Variants in SORCS2 observed in about 807,000 individuals in gnomAD.
The protein encoded by SORCS2 is sortilin related VPS10 domain containing receptor 2.
Under a neutral mutation model 141.6 loss-of-function variants are expected in SORCS2, and 100 were observed. That is an observed-to-expected ratio of 0.71 (90% CI 0.60 to 0.83). The LOEUF is 0.83. Among genes scored for constraint, SORCS2 ranks in the 40% least tolerant of loss-of-function variants. SORCS2 has a pLI of 0.00. For synonymous variants in SORCS2, 789 were observed against 676.9 expected (o/e 1.17, Z -2.57); for missense variants, 1,646 against 1,560.2 (o/e 1.05, Z -0.93).
chr4:7,298,038 T>C (rs941097313), intron 1 of SORCS2, among the ~76,000 whole-genome samples: 2 of 152,238 alleles, frequency 1.3e-5, no homozygotes, highest in Non-Finnish European at 2.9e-5. Context: ...CTGAGCCACC[T>C]CTTCCCCAGG....
intron 2 of SORCS2, among the ~76,000 whole-genome samples, chr4:7,417,947 A>G (rs1389488952): frequency 1.3e-5 from 2 of 152,214 alleles, no homozygotes; most frequent in Admixed American, 1.3e-4. Flanking sequence ...GTGAGCCAGC[A>G]GAAGGCTAGA....
intron 3 of SORCS2, among the ~76,000 whole-genome samples, chr4:7,565,592 G>A (rs1714914389): frequency 1.3e-5 from 2 of 151,922 alleles, no homozygotes; most frequent in Admixed American, 1.3e-4. Flanking sequence ...AAGTGATGAT[G>A]GTGATGGTAA....
rs371761912 is a variant in SORCS2 at position 7,496,163 on chromosome 4, G to C, written c.549-35367G>C. ...TCTCATGCCTTGTGAAGTGTGTCTT[G>C]GGAAGGGAGGGAGGAGACCAAAGCA... is the stretch of plus-strand genomic sequence containing the variant. On this transcript the variant is annotated intron_variant, in intron 2 of 26. Coordinates refer to ENST00000507866, the MANE Select transcript of SORCS2 (RefSeq NM_020777.3). Among the ~76,000 whole-genome samples the C allele has an allele frequency of 2.0e-5, 3 of 152,244 alleles. No individual in the cohort carries two copies. In the East Asian group the frequency reaches 5.8e-4, roughly 29 times the overall value.
intron 2 of SORCS2, among the ~76,000 whole-genome samples, chr4:7,491,321 C>T (rs971299208): frequency 6.6e-6 from 1 of 152,214 alleles, no homozygotes; most frequent in Non-Finnish European, 1.5e-5. Context: ...CTGGGTGGCC[C>T]TGAGGCTGCA....
At chr4:7,381,791 G>T in intron 1 of SORCS2, 2 of 416,290 alleles carry the variant, frequency 4.8e-6, no homozygotes, top group Non-Finnish European at 6.5e-6. Flanking sequence ...ACCCTGGACT[G>T]CAGCCATGTG....
At chr4:7,571,664 G>A (rs1715403194) in intron 3 of SORCS2, among the ~76,000 whole-genome samples, 1 of 152,086 alleles carries the variant, frequency 6.6e-6, no homozygotes, top group East Asian at 1.9e-4. Flanking sequence ...CTGGGGCCGA[G>A]AGGGAGGGAG....
intron 25 of SORCS2, among the ~76,000 whole-genome samples, chr4:7,736,308 C>T (rs1038280377): frequency 6.6e-6 from 1 of 152,246 alleles, no homozygotes; most frequent in Non-Finnish European, 1.5e-5. Context: ...AGTGTTGCAG[C>T]TTATAGGTGA....
At chr4:7,450,936 G>A (rs563010390) in intron 2 of SORCS2, among the ~76,000 whole-genome samples, 1 of 151,970 alleles carries the variant, frequency 6.6e-6, no homozygotes. Flanking sequence ...GAGGGAATGA[G>A]TGAGTAAATG....
chr4:7,207,406 C>A (rs896380823), intron 1 of SORCS2, among the ~76,000 whole-genome samples: 2 of 152,228 alleles, frequency 1.3e-5, no homozygotes. Flanking sequence ...TCACCCAGCG[C>A]CTGGCCAGGG....
chr4:7,217,918 T>C (rs1311723304), intron 1 of SORCS2, among the ~76,000 whole-genome samples: 2 of 152,206 alleles, frequency 1.3e-5, no homozygotes, highest in Non-Finnish European at 1.5e-5. Context: ...AGGGGACAGC[T>C]GTGCTGGCCG....
intron 2 of SORCS2, among the ~76,000 whole-genome samples, chr4:7,489,163 G>A (rs1731167654): frequency 2.0e-5 from 3 of 152,156 alleles, no homozygotes; most frequent in Admixed American, 2.0e-4. Context: ...GCCAAAAGCT[G>A]GTTCCCTGGA....
chr4:7,315,972 T>A (rs1453292634), intron 1 of SORCS2, among the ~76,000 whole-genome samples: 1 of 152,162 alleles, frequency 6.6e-6, no homozygotes, highest in Non-Finnish European at 1.5e-5. Context: ...TACCCATCTA[T>A]TTATCCATCC....
intron 3 of SORCS2, among the ~76,000 whole-genome samples, chr4:7,550,109 CGTGT>C (rs770140477): frequency 7.7e-6 from 1 of 129,736 alleles, no homozygotes; most frequent in Non-Finnish European, 1.6e-5. Flanking sequence ...TTTTTTTTTC[CGTGT>C]GTGTGTGTGT....
chr4:7,220,083 G>C (rs1728613858), intron 1 of SORCS2, among the ~76,000 whole-genome samples: 1 of 152,192 alleles, frequency 6.6e-6, no homozygotes, highest in Non-Finnish European at 1.5e-5. Flanking sequence ...CAAAGCAGAA[G>C]ACTTGGTTTT....
chr4:7,271,344 C>G (rs748252627), intron 1 of SORCS2, among the ~76,000 whole-genome samples: 1 of 152,214 alleles, frequency 6.6e-6, no homozygotes, highest in Non-Finnish European at 1.5e-5. Context: ...TCAGCCTCAT[C>G]TCCTGTTCCT....
intron 3 of SORCS2, among the ~76,000 whole-genome samples, chr4:7,625,798 G>T (rs2108837717): frequency 1.3e-5 from 2 of 152,208 alleles, no homozygotes; most frequent in Admixed American, 1.3e-4. Flanking sequence ...AGGAAAGAAG[G>T]AACGGAGGAA....
chr4:7,718,280 A>G, intron 18 of SORCS2, 97 bp downstream of exon 18: 1 of 1,412,238 alleles, frequency 7.1e-7, no homozygotes, highest in Non-Finnish European at 9.5e-7. Context: ...TCCTCCACCT[A>G]GAAGTGGCTC....
At chr4:7,539,608 T>C (rs1481000796) in intron 3 of SORCS2, among the ~76,000 whole-genome samples, 1 of 151,902 alleles carries the variant, frequency 6.6e-6, no homozygotes, top group Non-Finnish European at 1.5e-5. Flanking sequence ...ACTCTCTCTG[T>C]CTCACTCTCT....
Position 7,672,991 on chromosome 4 carries a change from A to G in SORCS2, c.1162-3059A>G, listed in dbSNP as rs145068774. The stretch of plus-strand genomic sequence containing the variant: ...CCTTCCGCATATTTCTCCAGGTCAT[A>G]CAAATATGTACAATCACATATACTA... On this transcript the variant is annotated intron_variant, in intron 8 of 26. Transcript: ENST00000507866. 2.4e-4 allele frequency among the ~76,000 whole-genome samples: 36 copies of G among 152,352 alleles called. No individual in the cohort carries two copies. The East Asian group carries it at 6.7e-3, about 29-fold the overall frequency.
Sources: allele counts gnomAD v4.1 joint callset (sites outside exome capture counted in the v4.1 genomes callset), GRCh38; gene constraint gnomAD v4.1.1; transcripts MANE v1.5; gene names NCBI Gene and HGNC (gene_info 2026-07-23, HGNC 2026-07-21).